INPP5D: variants seen among roughly 807,000 people sequenced by gnomAD.
The protein encoded by INPP5D is inositol polyphosphate-5-phosphatase D, also known as phosphatidylinositol 3,4,5-trisphosphate 5-phosphatase 1.
A neutral mutation model predicts 122.9 loss-of-function variants in INPP5D; 33 were observed. That is an observed-to-expected ratio of 0.27 (90% CI 0.20 to 0.36). INPP5D has a LOEUF of 0.36. Ranked by LOEUF, INPP5D falls within the 10% of genes least tolerant of loss-of-function variation. The probability of loss-of-function intolerance (pLI) is 1.00; values close to 1 mark genes in which losing one functional copy is unlikely to be tolerated. For synonymous variants in INPP5D, 584 were observed against 576.2 expected, an observed-to-expected ratio of 1.01 and a Z score of -0.19; for missense variants, 1,053 against 1,412.7, an observed-to-expected ratio of 0.75 and a Z score of 4.08.
chr2:233,159,754 G>A (rs956555925), intron 10 of INPP5D, among the ~76,000 whole-genome samples: 2 of 151,052 alleles, frequency 1.3e-5, no homozygotes, highest in African/African-American at 4.9e-5. Context: ...TCAGGTGCTG[G>A]CTGACATCTC....
intron 9 of INPP5D, among the ~76,000 whole-genome samples, chr2:233,150,713 T>C (rs1469453629): frequency 2.0e-5 from 3 of 152,180 alleles, no homozygotes; most frequent in Non-Finnish European, 4.4e-5. Flanking sequence ...GAACGCTTCC[T>C]CTAAGGATTT....
At chr2:233,154,716 T>G (rs1694002694) in intron 9 of INPP5D, among the ~76,000 whole-genome samples, 1 of 152,334 alleles carries the variant, frequency 6.6e-6, no homozygotes, top group Non-Finnish European at 1.5e-5. Flanking sequence ...ATTTACTTCA[T>G]CTAAATGGGT....
In INPP5D at chr2:233,164,056, T is replaced by C. The variant is rs934609955; in HGVS notation, c.1437+153T>C. On this transcript the variant is annotated intron_variant, in intron 12 of 26. Coordinates refer to ENST00000445964, the MANE Select transcript of INPP5D (RefSeq NM_001017915.3). This position sits in a 1 kb window ranked among gnomAD's most constrained non-coding sequence, Gnocchi z 4.3. ...TGAGAGATGCGTCTGTATTCAGAAA[T>C]AAATGGGATCTGTGGGGTATTGCTG... 1.8e-5 allele frequency: 25 copies of C among 1,407,670 alleles called. No individual in the cohort carries two copies. In the African/African-American group the frequency reaches 2.8e-4, roughly 16 times the overall value. The allele number at this position is 1,407,670 out of a possible 1,614,324, so 87.2% of individuals were successfully genotyped here.
At chr2:233,121,239 C>A (rs2106254926) in intron 2 of INPP5D, among the ~76,000 whole-genome samples, 1 of 148,296 alleles carries the variant, frequency 6.7e-6, no homozygotes, top group South Asian at 2.1e-4. Context: ...TCAAGCAATT[C>A]TCTTGCCTCG....
rs1160357196 is a variant in INPP5D at position 233,137,853 on chromosome 2, AATATATAT to A, written c.666-1951_666-1944del. 3.2e-3 allele frequency among the ~76,000 whole-genome samples: 88 copies of A among 27,706 alleles called. 2 individuals are homozygous for A. Among genetic ancestry groups the A allele is most frequent in the African/African-American group, 7.7e-3 (62 of 8,050 alleles). 18.2% of individuals were successfully genotyped at this position (27,706 alleles called of 152,430 possible). ...ATCACAAAAAAAAAAAAAAAAAAAA[AATATATAT>A]ATATATATATATATATATATATATA... On this transcript the variant is annotated intron_variant, in intron 5 of 26. Coordinates refer to ENST00000445964, the MANE Select transcript of INPP5D (RefSeq NM_001017915.3).
chr2:233,145,869 G>T (rs147786898), intron 6 of INPP5D: 11 of 575,036 alleles, frequency 1.9e-5, no homozygotes, highest in South Asian at 9.2e-5. Context: ...AAGGTAACAT[G>T]CAAGGACAGT....
chr2:233,089,427 G>A (rs1052462200), intron 2 of INPP5D, among the ~76,000 whole-genome samples: 1 of 152,192 alleles, frequency 6.6e-6, no homozygotes, highest in African/African-American at 2.4e-5. Flanking sequence ...GACAGAAGAG[G>A]GATGTCATTG....
chr2:233,093,854 C>T lies in INPP5D; in HGVS notation c.198+14456C>T, dbSNP rs1249561513. ...GGTCCCACCACTGGCTCTCTCCTGC[C>T]ACCTGCCCAGTGGTGGCTTCAGGCC... On this transcript the variant is annotated intron_variant, in intron 2 of 26. Coordinates refer to ENST00000445964, the MANE Select transcript of INPP5D (RefSeq NM_001017915.3). 2.0e-5 allele frequency among the ~76,000 whole-genome samples: 3 copies of T among 152,124 alleles called. No individual in the cohort carries two copies. In the East Asian group the frequency reaches 5.8e-4, roughly 29 times the overall value.
intron 17 of INPP5D, among the ~76,000 whole-genome samples, chr2:233,174,323 G>A (rs1694565525): frequency 6.6e-6 from 1 of 152,222 alleles, no homozygotes. Context: ...GTAATGTGTT[G>A]CGCTGTGACG....
At chr2:233,061,996 C>T (rs1433112519) in intron 1 of INPP5D, among the ~76,000 whole-genome samples, 1 of 152,270 alleles carries the variant, frequency 6.6e-6, no homozygotes, top group Non-Finnish European at 1.5e-5. Context: ...AGACTGGTTT[C>T]CTGTGTCCCC....
intron 2 of INPP5D, among the ~76,000 whole-genome samples, chr2:233,101,609 TTATAA>T (rs973123411): frequency 1.1e-4 from 16 of 144,786 alleles, no homozygotes; most frequent in African/African-American, 4.0e-4. Context: ...TATTAAATAA[TTATAA>T]TATATAATTA....
At chr2:233,108,975 A>T (rs1324745785) in intron 2 of INPP5D, among the ~76,000 whole-genome samples, 1 of 152,226 alleles carries the variant, frequency 6.6e-6, no homozygotes, top group African/African-American at 2.4e-5. Flanking sequence ...GACCCACAAA[A>T]GAGTGCACAC....
intron 5 of INPP5D, among the ~76,000 whole-genome samples, chr2:233,133,138 G>T (rs1296279146): frequency 6.4e-4 from 98 of 152,014 alleles, no homozygotes; most frequent in Admixed American, 6.4e-3. Flanking sequence ...TTGCCTTGTT[G>T]CCCAGGCTGG....
In INPP5D at chr2:233,197,292, T is replaced by A. The variant is rs909445150; in HGVS notation, c.2694-803T>A. ...CATCCCCTCCATAGCTTTAAGCTGA[T>A]TGCCCCCAATTCCAGGCTCCAACCT... On this transcript the variant is annotated intron_variant, in intron 24 of 26. Transcript: ENST00000445964. This position sits in a 1 kb window ranked among gnomAD's most constrained non-coding sequence, Gnocchi z 4.4. Among the ~76,000 whole-genome samples, 1 of 152,310 alleles carries A rather than the reference T, an allele frequency of 6.6e-6. No homozygotes were observed. Among genetic ancestry groups the A allele is most frequent in the East Asian group, 1.9e-4 (1 of 5,184 alleles).
intron 5 of INPP5D, among the ~76,000 whole-genome samples, chr2:233,136,618 T>C (rs1183001781): frequency 1.3e-5 from 2 of 152,198 alleles, no homozygotes; most frequent in Admixed American, 6.5e-5. Context: ...GTTGATTTAT[T>C]CGATATTCAT....
At position 233,171,045 on chromosome 2, in the gene INPP5D, G is replaced by C. The variant is rs777066232; in HGVS notation, c.1901-19G>C. Reference sequence around the variant, plus strand: ...AAACCTGGGGAATCAGAATTAAAACGAAAGTCTCTCTGTTTCAGAGGAGGA... The same window carrying C: ...AAACCTGGGGAATCAGAATTAAAACCAAAGTCTCTCTGTTTCAGAGGAGGA... On this transcript the variant is annotated intron_variant, in intron 16 of 26. Coordinates refer to ENST00000445964, the MANE Select transcript of INPP5D (RefSeq NM_001017915.3). The C allele has an allele frequency of 6.2e-7, 1 of 1,610,276 alleles. No homozygotes were observed.
chr2:233,171,745 G>T (rs1366689457), intron 17 of INPP5D, among the ~76,000 whole-genome samples: 1 of 152,228 alleles, frequency 6.6e-6, no homozygotes, highest in African/African-American at 2.4e-5. Context: ...GGAGAGCAAA[G>T]ATGTCTTTTC....
At position 233,065,615 on chromosome 2, in the gene INPP5D, CTTTCTTTCTT is replaced by C. The variant is rs1691196937; in HGVS notation, c.134+5005_134+5014del. On this transcript the variant is annotated intron_variant, in intron 1 of 26. Coordinates refer to ENST00000445964, the MANE Select transcript of INPP5D (RefSeq NM_001017915.3). ...TCTTTCTTTCTTTCTTTCTTTCTTTCTTTCTTTCTTTCTTTCTTTCTTTCTTTCTTTCTTT... is the reference window on the plus strand; with the variant it reads ...TCTTTCTTTCTTTCTTTCTTTCTTTCTCTTTCTTTCTTTCTTTCTTTCTTT... Among the ~76,000 whole-genome samples, 6 of 8,172 alleles carry C rather than the reference CTTTCTTTCTT, an allele frequency of 7.3e-4. 1 individual carries two copies. The highest frequency in any genetic ancestry group is 5.4e-3 in the Admixed American group (6 of 1,110). 5.4% of individuals were successfully genotyped at this position (8,172 alleles called of 152,430 possible).
rs554187072 is a variant in INPP5D at position 233,205,951 on chromosome 2, C to T, written c.3568-755C>T. Among the ~76,000 whole-genome samples the T allele has an allele frequency of 5.3e-5, 8 of 152,222 alleles. No individual in the cohort carries two copies. In the South Asian group the frequency reaches 1.7e-3, roughly 32 times the overall value. On this transcript the variant is annotated intron_variant, in intron 26 of 26. Transcript: ENST00000445964. ...AAAATTAGCTGGGCATTGTGGTGTG[C>T]ACCTGTAATCCCAACTACTCGGGAG...
Sources: gnomAD v4.1 joint callset for allele counts (sites outside exome capture counted in the v4.1 genomes callset) on GRCh38, gnomAD v4.1.1 for gene constraint, Gnocchi (gnomAD v3.1) non-coding constraint, MANE v1.5 for transcripts, NCBI Gene and HGNC (gene_info 2026-07-23, HGNC 2026-07-21) for gene names.